ZNF888: variants seen among roughly 807,000 people sequenced by gnomAD.
ZNF888 encodes the protein CTD-2331H12.6.
In ZNF888, 5 loss-of-function variants were observed where a neutral mutation model predicts 7.2. The ratio of observed to expected loss-of-function variants is 0.70; its 90% CI spans 0.36 to 1.46. The LOEUF (loss-of-function observed/expected upper bound fraction) is 1.46. ZNF888 is among the 40% of genes most tolerant of loss of function. ZNF888 has a pLI of 0.03. For missense variants in ZNF888, 716 were observed against 858.0 expected, an observed-to-expected ratio of 0.83 and a Z score of 2.07; for synonymous variants, 240 against 284.3, an observed-to-expected ratio of 0.84 and a Z score of 1.57.
chr19:52,909,529 G>A (rs1600677786), intron 4 of ZNF888, among the ~76,000 whole-genome samples: 1 of 152,126 alleles, frequency 6.6e-6, no homozygotes, highest in Non-Finnish European at 1.5e-5. Flanking sequence ...TTACAGGCAT[G>A]AGCCACTGCG....
At chr19:52,912,502 G>A (rs1275224195) in intron 4 of ZNF888, among the ~76,000 whole-genome samples, 1 of 146,482 alleles carries the variant, frequency 6.8e-6, no homozygotes, top group African/African-American at 2.5e-5. Context: ...GAGGTGGGAG[G>A]ATCACGTGGT....
rs2064591011 is a variant in ZNF888, at chr19:52,905,073, CAT to C, written c.*1090_*1091del. The C allele has an allele frequency of 6.6e-6, 1 of 152,254 alleles. No individual in the cohort carries two copies. The highest frequency in any genetic ancestry group is 2.4e-5 in the African/African-American group (1 of 41,422). 9.4% of individuals were successfully genotyped at this position (152,254 alleles called of 1,614,324 possible). On this transcript the variant is annotated 3_prime_UTR_variant, in exon 5 of 5. Transcript: ENST00000638862. Reference sequence around the variant, plus strand: ...GTTGATCAAAATGATTAAAAACATACATAGAGATACAACCCATATTGATAGTT... The same window carrying C: ...GTTGATCAAAATGATTAAAAACATACAGAGATACAACCCATATTGATAGTT...
intron 3 of ZNF888, among the ~76,000 whole-genome samples, chr19:52,915,630 A>C (rs1165316281): frequency 6.6e-6 from 1 of 151,600 alleles, no homozygotes; most frequent in Non-Finnish European, 1.5e-5. Flanking sequence ...ATCTGCCACC[A>C]TGCCTGGCTA....
intron 3 of ZNF888, among the ~76,000 whole-genome samples, chr19:52,916,069 C>T (rs562025561): frequency 1.3e-5 from 2 of 152,346 alleles, no homozygotes; most frequent in African/African-American, 4.8e-5. Context: ...TGGCTTGATC[C>T]CAGGAGGCAG....
intron 4 of ZNF888, among the ~76,000 whole-genome samples, chr19:52,910,524 T>TCACATAAGCAACAAC (rs1164984491): frequency 6.6e-6 from 1 of 152,176 alleles, no homozygotes; most frequent in Non-Finnish European, 1.5e-5. Context: ...GATGTGGTAT[T>TCACATAAGCAACAAC]CTCTAATAGG....
Position 52,905,014 on chromosome 19 carries a change from A to G in ZNF888, c.*1151T>C, listed in dbSNP as rs2064590697. The G allele has an allele frequency of 6.5e-6, 1 of 153,070 alleles. No homozygotes were observed. The highest frequency in any genetic ancestry group is 2.4e-5 in the African/African-American group (1 of 41,464). The allele number at this position is 153,070 out of a possible 1,614,324, so 9.5% of individuals were successfully genotyped here. A position where few individuals can be genotyped will look rare whatever the true frequency, so the allele number is the denominator to read the frequency against. On this transcript the variant is annotated 3_prime_UTR_variant, in exon 5 of 5. Coordinates refer to ENST00000638862, the MANE Select transcript of ZNF888 (RefSeq NM_001393938.1). Reference sequence around the variant, plus strand: ...AGAAATACTTAGGAATAAACGTACAAAGCTGAGAAGTTTGTACCTTGAAAT... The same window carrying G: ...AGAAATACTTAGGAATAAACGTACAGAGCTGAGAAGTTTGTACCTTGAAAT...
intron 4 of ZNF888, among the ~76,000 whole-genome samples, chr19:52,911,176 G>A (rs1470856956): frequency 6.6e-6 from 1 of 151,948 alleles, no homozygotes; most frequent in East Asian, 1.9e-4. Context: ...ATTGCACCTG[G>A]CCCATTTTTG....
chr19:52,916,560 ATAT>A (rs939713577), intron 3 of ZNF888, among the ~76,000 whole-genome samples: 5 of 149,690 alleles, frequency 3.3e-5, no homozygotes, highest in Admixed American at 2.0e-4. Context: ...GTGTGTATAT[ATAT>A]TATATACATA....
Position 52,917,552 on chromosome 19 carries a change from A to G in ZNF888, c.15+307T>C. 5.4e-6 allele frequency: 3 copies of G among 556,072 alleles called. 1 individual carries two copies. Among genetic ancestry groups the G allele is most frequent in the South Asian group, 4.9e-5 (3 of 60,702 alleles). 34.4% of individuals were successfully genotyped at this position (556,072 alleles called of 1,614,324 possible). On this transcript the variant is annotated intron_variant, in intron 3 of 4. Coordinates refer to ENST00000638862, the MANE Select transcript of ZNF888 (RefSeq NM_001393938.1). ...CACAGAAAACTGACAGTGCATCCAG[A>G]TGCGGCCCTGAACAATCCCTGCCGC...
rs1431154402 is a variant in ZNF888, at chr19:52,919,951, C to G, written c.-177-1014G>C. On this transcript the variant is annotated intron_variant, in intron 1 of 4. Transcript: ENST00000638862. ...CCACCCCGTCTGGGAAGTGAGGAGC[C>G]CCTCTGCCCGGCCAGCCGCCCCGTC... Among the ~76,000 whole-genome samples, 19 of 54,260 alleles carry G rather than the reference C, an allele frequency of 3.5e-4. 1 individual carries two copies. Among genetic ancestry groups the G allele is most frequent in the African/African-American group, 6.0e-4 (8 of 13,286 alleles). 35.6% of individuals were successfully genotyped at this position (54,260 alleles called of 152,430 possible).
At chr19:52,909,564 G>A (rs1466066648) in intron 4 of ZNF888, among the ~76,000 whole-genome samples, 1 of 151,990 alleles carries the variant, frequency 6.6e-6, no homozygotes, top group Middle Eastern at 3.2e-3. Context: ...TGACATTAAT[G>A]AGTGGAATCT....
intron 2 of ZNF888, among the ~76,000 whole-genome samples, chr19:52,918,405 G>A (rs994714374): frequency 7.9e-5 from 12 of 152,106 alleles, no homozygotes; most frequent in Non-Finnish European, 1.8e-4. Context: ...AAGCTGAGGT[G>A]GAAGGATCAC....
Position 52,906,793 on chromosome 19 carries a change from G to A in ZNF888, c.1529C>T (p.Ala510Val). Reference sequence around the variant, plus strand: ...TCCAGTGTGAATTACAGTATGTTGTGCCAGGTGTGAATCACGTCTGAAAGC... The same window carrying A: ...TCCAGTGTGAATTACAGTATGTTGTACCAGGTGTGAATCACGTCTGAAAGC... ...DKAFRRDSHLAQHTVIHTGEK... is the reference protein window; with the variant it reads ...DKAFRRDSHLVQHTVIHTGEK... Residue 510 changes from alanine (A) to valine (V), a missense_variant, in exon 5 of 5, where the codon GCA becomes GTA. By Grantham distance (64) the Ala-to-Val change is moderately conservative. Coordinates refer to ENST00000638862, the MANE Select transcript of ZNF888 (RefSeq NM_001393938.1). 4 of 1,611,530 alleles carry A rather than the reference G, an allele frequency of 2.5e-6. No individual in the cohort carries two copies. The highest frequency in any genetic ancestry group is 1.3e-5 in the African/African-American group (1 of 74,918).
chr19:52,920,169 A>G lies in ZNF888; in HGVS notation c.-177-1232T>C, dbSNP rs1217360559. 6.7e-5 allele frequency among the ~76,000 whole-genome samples: 4 copies of G among 59,478 alleles called. 1 individual carries two copies. The highest frequency in any genetic ancestry group is 2.4e-4 in the African/African-American group (4 of 16,950). 39.0% of individuals were successfully genotyped at this position (59,478 alleles called of 152,430 possible). On this transcript the variant is annotated intron_variant, in intron 1 of 4. Coordinates refer to ENST00000638862, the MANE Select transcript of ZNF888 (RefSeq NM_001393938.1). ...AAGTGAGGAGCCCCTCTGCCCGGCC[A>G]CGACCCCGTCTGGGACGTGTGCCCA...
In ZNF888 at chr19:52,907,743, A is replaced by T. The variant is rs2064628585; in HGVS notation, c.579T>A (p.Asn193Lys). ...TGAGTAATGAAGAATGGAAGAAATT[A>T]TTCCCATAGTTATTAGAAATATGGG... ...PKTHISNNYGNNFFHSSLLTQ... is the reference protein window; with the variant it reads ...PKTHISNNYGKNFFHSSLLTQ... The change falls in exon 5 of 5, where the codon AAT becomes AAA. Residue 193 changes from asparagine to lysine, a missense_variant. Physicochemically the swap from Asn to Lys is moderately conservative, Grantham distance 94. Coordinates refer to ENST00000638862, the MANE Select transcript of ZNF888 (RefSeq NM_001393938.1). 2 of 1,613,758 alleles carry T rather than the reference A, an allele frequency of 1.2e-6. No homozygotes were observed. Among genetic ancestry groups the T allele is most frequent in the Admixed American group, 3.3e-5 (2 of 59,990 alleles).
In ZNF888 at chr19:52,907,077, A is replaced by C; in HGVS notation, c.1245T>G (p.Cys415Trp). The C allele has an allele frequency of 6.2e-7, 1 of 1,611,656 alleles. No homozygotes were observed. Among genetic ancestry groups the C allele is most frequent in the Admixed American group, 1.7e-5 (1 of 59,856 alleles). The change falls in exon 5 of 5, where the codon TGT (cysteine) becomes TGG (tryptophan). Residue 415 changes from cysteine (C) to tryptophan (W), a missense_variant. Cys to Trp is a radical substitution (Grantham distance 215, BLOSUM62 -2). Transcript: ENST00000638862. ...CTGAATTTTCACCAAACGTTTTGCC[A>C]CACTCATTACACTTGTAAGGTTTCT... ...TREKPYKCNECGKTFGENSAL... is the reference protein window; with the variant it reads ...TREKPYKCNEWGKTFGENSAL...
In ZNF888 at chr19:52,906,429, C is replaced by A; in HGVS notation, c.1893G>T (p.Glu631Asp). 1 of 1,613,152 alleles carries A rather than the reference C, an allele frequency of 6.2e-7. No individual in the cohort carries two copies. The highest frequency in any genetic ancestry group is 1.3e-5 in the African/African-American group (1 of 75,000). Residue 631 changes from glutamate to aspartate, a missense_variant, in exon 5 of 5, where the codon GAG becomes GAT. By Grantham distance (45) the Glu-to-Asp change is conservative (BLOSUM62 2). Around this residue, in one of 2 missense-constraint regions of ZNF888, gnomAD observed 697 missense variants for 803.4 expected, o/e 0.87. Coordinates refer to ENST00000638862, the MANE Select transcript of ZNF888 (RefSeq NM_001393938.1). ...LEIHRRVHTG[E>D]KPYKCRVCDK... ...CGCAAACCCTACATTTGTATGGTTT[C>A]TCTCCAGTATGAACTCTCCTATGTA...
chr19:52,907,240 T>G lies in ZNF888; in HGVS notation c.1082A>C (p.Lys361Thr), dbSNP rs1310332336. The G allele has an allele frequency of 8.7e-6, 14 of 1,613,218 alleles. No individual in the cohort carries two copies. Among genetic ancestry groups the G allele is most frequent in the African/African-American group, 1.3e-5 (1 of 74,696 alleles). Residue 361 changes from lysine to threonine, a missense_variant, in exon 5 of 5, where the codon AAA (lysine) becomes ACA (threonine). Coordinates refer to ENST00000638862, the MANE Select transcript of ZNF888 (RefSeq NM_001393938.1). ...AAGGTATGATTTGCGACTGAAAACT[T>G]TGTCACATTCTTTACATTGGTAAGG... ...EKPYQCKECDKVFSRKSYLER... is the reference protein window; with the variant it reads ...EKPYQCKECDTVFSRKSYLER...
Position 52,918,903 on chromosome 19 carries a change from C to G in ZNF888, c.-143G>C, listed in dbSNP as rs1323926885. The G allele has an allele frequency of 1.3e-5, 2 of 151,162 alleles. No individual in the cohort carries two copies. The highest frequency in any genetic ancestry group is 2.9e-5 in the Non-Finnish European group (2 of 67,994). 9.4% of individuals were successfully genotyped at this position (151,162 alleles called of 1,614,324 possible). The stretch of plus-strand genomic sequence containing the variant: ...AGGTTGCAGTGAGCCAAGATCATGA[C>G]AGTGCACTCACAGCCTGGAGGACAG... On this transcript the variant is annotated 5_prime_UTR_variant, in exon 2 of 5. Coordinates refer to ENST00000638862, the MANE Select transcript of ZNF888 (RefSeq NM_001393938.1).
Sources: gnomAD v4.1 joint callset for allele counts (sites outside exome capture counted in the v4.1 genomes callset) on GRCh38, gnomAD v4.1.1 for gene constraint, gnomAD v4.1.1 regional missense constraint, MANE v1.5 for transcripts, NCBI Gene and HGNC (gene_info 2026-07-23, HGNC 2026-07-21) for gene names.